INPP4B: variants seen among roughly 807,000 people sequenced by gnomAD.
INPP4B encodes the protein inositol polyphosphate 4-phosphatase type II.
A neutral mutation model predicts 122.5 loss-of-function variants in INPP4B; 55 were observed. The observed-to-expected ratio is 0.45, with a 90% CI of 0.36 to 0.56. The LOEUF is 0.56. Ranked by LOEUF, INPP4B falls within the 20% of genes least tolerant of loss-of-function variation. The pLI is 0.00. For synonymous variants in INPP4B, 403 were observed against 388.7 expected, an observed-to-expected ratio of 1.04 and a Z score of -0.43; for missense variants, 1,000 against 1,097.7, an observed-to-expected ratio of 0.91 and a Z score of 1.26.
chr4:142,287,525 T>C (rs889694730), intron 9 of INPP4B: 7 of 152,168 alleles, frequency 4.6e-5, no homozygotes, highest in African/African-American at 1.7e-4. Flanking sequence ...TTACTAAGCA[T>C]TTCCGAGCAT....
At chr4:142,547,724 A>C (rs1726947174) in intron 2 of INPP4B, among the ~76,000 whole-genome samples, 1 of 152,182 alleles carries the variant, frequency 6.6e-6, no homozygotes, top group Non-Finnish European at 1.5e-5. Context: ...CTGAAAGGAA[A>C]ATGTCATCTC....
chr4:142,512,467 T>C (rs950869082), intron 2 of INPP4B, among the ~76,000 whole-genome samples: 2 of 152,154 alleles, frequency 1.3e-5, no homozygotes, highest in African/African-American at 4.8e-5. Flanking sequence ...CATTTTCAGA[T>C]TGTCTTGGTT....
chr4:142,103,200 C>A (rs1405517882), intron 23 of INPP4B, among the ~76,000 whole-genome samples: 1 of 152,022 alleles, frequency 6.6e-6, no homozygotes, highest in Non-Finnish European at 1.5e-5. Flanking sequence ...TATTTTTGCT[C>A]ATTTTCACGT....
intron 2 of INPP4B, among the ~76,000 whole-genome samples, chr4:142,524,383 T>C (rs1826550236): frequency 6.6e-6 from 1 of 152,114 alleles, no homozygotes; most frequent in Admixed American, 6.6e-5. Flanking sequence ...ACTGTGGTTT[T>C]GATTTGCATT....
At chr4:142,588,137 C>A (rs776283965) in intron 2 of INPP4B, among the ~76,000 whole-genome samples, 6 of 151,790 alleles carry the variant, frequency 4.0e-5, no homozygotes, top group Non-Finnish European at 8.8e-5. Context: ...AAACTCTCAG[C>A]AGAGTAGTAA....
chr4:142,289,052 T>G (rs527388895), intron 9 of INPP4B, among the ~76,000 whole-genome samples: 1 of 152,314 alleles, frequency 6.6e-6, no homozygotes, highest in African/African-American at 2.4e-5. Context: ...AACCATTATG[T>G]TATTATCTTT....
intron 3 of INPP4B, among the ~76,000 whole-genome samples, chr4:142,456,372 G>A (rs1459661958): frequency 6.6e-6 from 1 of 151,964 alleles, no homozygotes; most frequent in Non-Finnish European, 1.5e-5. Flanking sequence ...TGAATATACA[G>A]TTTTTCCAGC....
intron 2 of INPP4B, among the ~76,000 whole-genome samples, chr4:142,540,943 C>A (rs549674285): frequency 1.3e-5 from 2 of 152,232 alleles, no homozygotes; most frequent in Admixed American, 6.5e-5. Context: ...TCACTTCTTG[C>A]ATATATTTAA....
At chr4:142,148,824 G>A (rs1441537030) in intron 17 of INPP4B, among the ~76,000 whole-genome samples, 4 of 152,062 alleles carry the variant, frequency 2.6e-5, no homozygotes, top group Non-Finnish European at 5.9e-5. Flanking sequence ...TTACATATAT[G>A]GTAGGCAGAA....
At chr4:142,524,572 G>A (rs1208006665) in intron 2 of INPP4B, among the ~76,000 whole-genome samples, 1 of 152,010 alleles carries the variant, frequency 6.6e-6, no homozygotes, top group South Asian at 2.1e-4. Context: ...GGGATGCAAG[G>A]CTGGTCCAAT....
intron 16 of INPP4B, among the ~76,000 whole-genome samples, chr4:142,167,881 G>C (rs2152930230): frequency 6.6e-6 from 1 of 151,264 alleles, no homozygotes; most frequent in South Asian, 2.1e-4. Context: ...TTTATGATTT[G>C]TTGTAGTACA....
chr4:142,289,796 C>T (rs893612514), intron 9 of INPP4B, among the ~76,000 whole-genome samples: 5 of 152,180 alleles, frequency 3.3e-5, no homozygotes, highest in Admixed American at 6.5e-5. Context: ...CCCTATTCAG[C>T]GACAACTTCA....
At position 142,676,873 on chromosome 4, in the gene INPP4B, A is replaced by G. The variant is rs1396199655; in HGVS notation, c.-191+48966T>C. Among the ~76,000 whole-genome samples the G allele has an allele frequency of 2.0e-5, 3 of 150,884 alleles. No homozygotes were observed. The East Asian group carries it at 5.8e-4, about 29-fold the overall frequency. Reference sequence around the variant, plus strand: ...GATTAAAGACTTAAACGTAAGACCTAAAACCATAAAAAACCCTAGAAGAAA... The same window carrying G: ...GATTAAAGACTTAAACGTAAGACCTGAAACCATAAAAAACCCTAGAAGAAA... On this transcript the variant is annotated intron_variant, in intron 2 of 25. Transcript: ENST00000262992.
intron 14 of INPP4B, among the ~76,000 whole-genome samples, chr4:142,195,612 G>GT (rs1561449777): frequency 1.3e-5 from 2 of 152,080 alleles, no homozygotes; most frequent in South Asian, 2.1e-4. Flanking sequence ...CAGTAAAGCT[G>GT]TTTTTTAAAA....
rs140009053 is a variant in INPP4B at position 142,155,693 on chromosome 4, C to T, written c.1563+4665G>A. On this transcript the variant is annotated intron_variant, in intron 17 of 25. Transcript: ENST00000262992. ...CTCAGGCATAAATGGGTTAAGCATTCACATCTGCTGTAGGCATCATTAGAG... is the reference window on the plus strand; with the variant it reads ...CTCAGGCATAAATGGGTTAAGCATTTACATCTGCTGTAGGCATCATTAGAG... 1.1e-3 allele frequency among the ~76,000 whole-genome samples: 161 copies of T among 152,154 alleles called. 1 individual carries two copies. Among genetic ancestry groups the T allele is most frequent in the African/African-American group, 3.7e-3 (154 of 41,530 alleles).
intron 25 of INPP4B, among the ~76,000 whole-genome samples, chr4:142,055,381 G>T (rs778688811): frequency 2.6e-4 from 39 of 152,132 alleles, no homozygotes; most frequent in African/African-American, 8.9e-4. Context: ...TCAAACTTAC[G>T]CAGAATAAGC....
chr4:142,782,106 A>G (rs1012004487), intron 1 of INPP4B, among the ~76,000 whole-genome samples: 1 of 151,920 alleles, frequency 6.6e-6, no homozygotes, highest in Non-Finnish European at 1.5e-5. Context: ...AGCATTAGGT[A>G]TATCTCCTAA....
chr4:142,369,586 A>AT lies in INPP4B; in HGVS notation c.372+33351_372+33352insA, dbSNP rs1293187133. On this transcript the variant is annotated intron_variant, in intron 7 of 25. Coordinates refer to ENST00000262992, the MANE Select transcript of INPP4B (RefSeq NM_001101669.3). Reference sequence around the variant, plus strand: ...AATGAGACCCTGTCTCGAAAATTAAAAAAATAAATAAATAAATAAATAAAT... The same window carrying AT: ...AATGAGACCCTGTCTCGAAAATTAAATAAAATAAATAAATAAATAAATAAAT... 3.2e-3 allele frequency among the ~76,000 whole-genome samples: 415 copies of AT among 131,602 alleles called. 3 individuals are homozygous for AT. Among genetic ancestry groups the AT allele is most frequent in the African/African-American group, 0.011 (390 of 36,012 alleles). The allele number at this position is 131,602 out of a possible 152,430, so 86.3% of individuals were successfully genotyped here. A position where few individuals can be genotyped will look rare whatever the true frequency, so the allele number is the denominator to read the frequency against.
intron 8 of INPP4B, among the ~76,000 whole-genome samples, chr4:142,312,843 C>T (rs1766057623): frequency 6.6e-6 from 1 of 152,136 alleles, no homozygotes; most frequent in Admixed American, 6.5e-5. Flanking sequence ...AGAGAGCCAG[C>T]AAATCAGTAT....
Sources: gnomAD v4.1 joint callset for allele counts (sites outside exome capture counted in the v4.1 genomes callset) on GRCh38, gnomAD v4.1.1 for gene constraint, MANE v1.5 for transcripts, NCBI Gene and HGNC (gene_info 2026-07-23, HGNC 2026-07-21) for gene names.